Variants in TAOK3 observed in about 807,000 individuals in gnomAD.
The protein encoded by TAOK3 is serine/threonine-protein kinase TAO3.
TAOK3 carries 40 observed loss-of-function variants against 120.4 expected under a neutral mutation model. The observed-to-expected ratio is 0.33, with a 90% CI of 0.26 to 0.43. TAOK3 has a LOEUF of 0.43. TAOK3 is among the 20% of genes least tolerant of loss of function. The pLI, the probability that TAOK3 is intolerant of heterozygous loss-of-function variation, is 1.00. For synonymous variants in TAOK3, 355 were observed against 387.5 expected (o/e 0.92, Z 0.99); for missense variants, 821 against 1,112.1 (o/e 0.74, Z 3.72).
At chr12:118,170,826 C>T (rs1275074802) in intron 17 of TAOK3, among the ~76,000 whole-genome samples, 3 of 152,172 alleles carry the variant, frequency 2.0e-5, no homozygotes, top group Non-Finnish European at 4.4e-5. Flanking sequence ...GCAGAAAGAG[C>T]CTGAGCCTGG....
chr12:118,169,673 T>C (rs2035872225), intron 17 of TAOK3, among the ~76,000 whole-genome samples: 1 of 151,948 alleles, frequency 6.6e-6, no homozygotes, highest in Non-Finnish European at 1.5e-5. Context: ...CATCTTCATT[T>C]CCCCTAGTGT....
At chr12:118,342,569 C>G (rs1197881958) in intron 1 of TAOK3, among the ~76,000 whole-genome samples, 1 of 152,054 alleles carries the variant, frequency 6.6e-6, no homozygotes, top group African/African-American at 2.4e-5. Context: ...TGTGTACTAT[C>G]AATAAATAAA....
At chr12:118,209,906 T>C (rs941142267) in intron 11 of TAOK3, among the ~76,000 whole-genome samples, 11 of 152,030 alleles carry the variant, frequency 7.2e-5, no homozygotes, top group Admixed American at 6.6e-4. Flanking sequence ...GGTTTTGTCA[T>C]GTCCAGGCTG....
intron 1 of TAOK3, among the ~76,000 whole-genome samples, chr12:118,269,074 C>T (rs1038413575): frequency 6.6e-6 from 1 of 150,494 alleles, no homozygotes; most frequent in African/African-American, 2.5e-5. Context: ...TCAAATAAGG[C>T]ATCTTACAAA....
intron 5 of TAOK3, among the ~76,000 whole-genome samples, chr12:118,239,904 C>G (rs867100170): frequency 6.6e-6 from 1 of 152,076 alleles, no homozygotes; most frequent in Admixed American, 6.5e-5. Flanking sequence ...CAGCGGCTCA[C>G]GCCTGTAATC....
intron 13 of TAOK3, among the ~76,000 whole-genome samples, chr12:118,193,656 C>T (rs2139140543): frequency 6.6e-6 from 1 of 152,198 alleles, no homozygotes; most frequent in South Asian, 2.1e-4. Context: ...ACTATGTTGC[C>T]CAGGCTGGTC....
At chr12:118,247,016 A>G (rs2040544905) in intron 3 of TAOK3, 1 of 859,892 alleles carries the variant, frequency 1.2e-6, no homozygotes, top group African/African-American at 1.7e-5. Context: ...AAAAAATTAT[A>G]AAAGAATTTA....
At chr12:118,203,533 T>C (rs967809561) in intron 11 of TAOK3, among the ~76,000 whole-genome samples, 18 of 151,112 alleles carry the variant, frequency 1.2e-4, no homozygotes, top group African/African-American at 4.1e-4. Flanking sequence ...GGTGAAACCC[T>C]TTCTCTACTA....
Position 118,150,761 on chromosome 12 carries a change from G to T in TAOK3, c.*236C>A. The T allele has an allele frequency of 1.9e-6, 1 of 520,948 alleles. No homozygotes were observed. Among genetic ancestry groups the T allele is most frequent in the Admixed American group, 3.4e-5 (1 of 29,088 alleles). The allele number at this position is 520,948 out of a possible 1,614,324, so 32.3% of individuals were successfully genotyped here. On this transcript the variant is annotated 3_prime_UTR_variant, in exon 21 of 21. Transcript: ENST00000392533. ...ACATCAATACTGTGACGTGTACTGT[G>T]AATAGAAGAGACGGCCAGGTTTTGG...
intron 1 of TAOK3, among the ~76,000 whole-genome samples, chr12:118,286,772 T>A (rs2042282387): frequency 6.6e-6 from 1 of 152,192 alleles, no homozygotes; most frequent in Non-Finnish European, 1.5e-5. Context: ...TGCACATGCA[T>A]GTTTATAGCA....
intron 1 of TAOK3, among the ~76,000 whole-genome samples, chr12:118,284,662 GA>G (rs1336216967): frequency 5.3e-5 from 8 of 152,226 alleles, no homozygotes; most frequent in Admixed American, 1.3e-4. Flanking sequence ...GTGTGCAGGG[GA>G]AATGTTGGCG....
At chr12:118,188,965 C>G (rs909341620) in intron 14 of TAOK3, among the ~76,000 whole-genome samples, 3 of 152,136 alleles carry the variant, frequency 2.0e-5, no homozygotes, top group Admixed American at 2.0e-4. Flanking sequence ...CGCACGCGCA[C>G]GCGTGGGGGC....
intron 1 of TAOK3, among the ~76,000 whole-genome samples, chr12:118,331,645 C>CAAAAAAAAAAAAAAAAAAAAAAAAAA (rs57291591): frequency 2.1e-5 from 1 of 48,006 alleles, no homozygotes; most frequent in Non-Finnish European, 4.7e-5. Context: ...ACTCTTATCT[C>CAAAAAAAAAAAAAAAAAAAAAAAAAA]AAAAAAAAAA....
At chr12:118,281,542 T>C (rs2042100178) in intron 1 of TAOK3, among the ~76,000 whole-genome samples, 1 of 152,154 alleles carries the variant, frequency 6.6e-6, no homozygotes, top group South Asian at 2.1e-4. Context: ...CCCAGCACTT[T>C]GGGAGGCTGA....
intron 14 of TAOK3, 45 bp from the exon 15 acceptor site, chr12:118,181,652 G>A (rs1446732192): frequency 6.4e-7 from 1 of 1,553,692 alleles, no homozygotes; most frequent in Non-Finnish European, 8.9e-7. Flanking sequence ...AGGTTCATGG[G>A]AGACAAGCTT....
At chr12:118,329,353 T>C (rs2044055760) in intron 1 of TAOK3, among the ~76,000 whole-genome samples, 1 of 152,202 alleles carries the variant, frequency 6.6e-6, no homozygotes, top group Non-Finnish European at 1.5e-5. Flanking sequence ...ACACCAGGAT[T>C]TGTGTCCTGA....
intron 8 of TAOK3, among the ~76,000 whole-genome samples, 186 bp downstream of exon 8, chr12:118,235,372 T>C (rs1307183238): frequency 6.6e-6 from 1 of 152,198 alleles, no homozygotes; most frequent in African/African-American, 2.4e-5. Flanking sequence ...TTTAAAGTCA[T>C]TGTAAATTTT....
intron 3 of TAOK3, among the ~76,000 whole-genome samples, chr12:118,251,479 G>A (rs1282803220): frequency 6.6e-6 from 1 of 152,124 alleles, no homozygotes; most frequent in Non-Finnish European, 1.5e-5. Flanking sequence ...GCCCTATAGA[G>A]TTAATGATTA....
chr12:118,306,348 A>T (rs1172496878), intron 1 of TAOK3, among the ~76,000 whole-genome samples: 2 of 151,734 alleles, frequency 1.3e-5, no homozygotes, highest in African/African-American at 4.8e-5. Flanking sequence ...TTTTTATTTA[A>T]TTTTTTTAGA....
Sources: allele counts gnomAD v4.1 joint callset (sites outside exome capture counted in the v4.1 genomes callset), GRCh38; gene constraint gnomAD v4.1.1; transcripts MANE v1.5; gene names NCBI Gene and HGNC (gene_info 2026-07-23, HGNC 2026-07-21).